The following ADAMTS16 variants were observed in gnomAD, a reference collection of about 807,000 sequenced individuals.
The protein encoded by ADAMTS16 is ADAM metallopeptidase with thrombospondin type 1 motif 16, also known as A disintegrin and metalloproteinase with thrombospondin motifs 16.
Under a neutral mutation model 145.8 loss-of-function variants are expected in ADAMTS16, and 94 were observed. The observed-to-expected ratio is 0.64, with a 90% CI of 0.55 to 0.77. The LOEUF (loss-of-function observed/expected upper bound fraction) is 0.77. Ranked by LOEUF, ADAMTS16 falls within the 30% of genes least tolerant of loss-of-function variation. The pLI, the probability that ADAMTS16 is intolerant of heterozygous loss-of-function variation, is 0.00. For missense variants in ADAMTS16, 1,585 were observed against 1,591.5 expected (o/e 1.00, Z 0.07); for synonymous variants, 659 against 604.3 (o/e 1.09, Z -1.33).
intron 18 of ADAMTS16, among the ~76,000 whole-genome samples, chr5:5,268,679 A>C (rs138402289): frequency 6.6e-6 from 1 of 152,120 alleles, no homozygotes; most frequent in Non-Finnish European, 1.5e-5. Context: ...AGGGATCCCG[A>C]CTGGACACTA....
At chr5:5,172,176 G>C (rs1735059041) in intron 3 of ADAMTS16, among the ~76,000 whole-genome samples, 1 of 151,770 alleles carries the variant, frequency 6.6e-6, no homozygotes, top group Non-Finnish European at 1.5e-5. Flanking sequence ...CATCAATTTT[G>C]TTTAACTTTT....
intron 9 of ADAMTS16, among the ~76,000 whole-genome samples, chr5:5,204,961 G>A (rs57793103): frequency 0.019 from 2,911 of 152,242 alleles, 111 homozygotes; most frequent in African/African-American, 0.067. Flanking sequence ...TATCTGGTGG[G>A]TGTGTAGTTT....
chr5:5,264,082 T>A (rs1288959662), intron 18 of ADAMTS16, among the ~76,000 whole-genome samples: 1 of 152,186 alleles, frequency 6.6e-6, no homozygotes, highest in East Asian at 1.9e-4. Flanking sequence ...GCCTGGGGTC[T>A]TTAGAGGCAC....
intron 10 of ADAMTS16, among the ~76,000 whole-genome samples, chr5:5,214,183 T>C (rs888606392): frequency 4.6e-5 from 7 of 152,344 alleles, no homozygotes; most frequent in East Asian, 1.9e-4. Flanking sequence ...AATTGGTCCA[T>C]ATATGTGGTG....
chr5:5,140,932 G>A (rs1463076081), intron 2 of ADAMTS16, among the ~76,000 whole-genome samples, 166 bp downstream of exon 2: 1 of 151,966 alleles, frequency 6.6e-6, no homozygotes, highest in Admixed American at 6.6e-5. Flanking sequence ...GAGCCCCGAT[G>A]AGTGGATTTC....
intron 18 of ADAMTS16, among the ~76,000 whole-genome samples, chr5:5,282,375 T>C (rs952873951): frequency 1.4e-4 from 21 of 152,244 alleles, no homozygotes; most frequent in African/African-American, 4.8e-4. Context: ...TATTTTGACA[T>C]AAGGAATGAA....
At position 5,310,777 on chromosome 5, in the gene ADAMTS16, A is replaced by G. The variant is rs1740395171; in HGVS notation, c.3411+4049A>G. Among the ~76,000 whole-genome samples the G allele has an allele frequency of 6.6e-6, 1 of 152,180 alleles. No homozygotes were observed. Among genetic ancestry groups the G allele is most frequent in the South Asian group, 2.1e-4 (1 of 4,832 alleles). On this transcript the variant is annotated intron_variant, in intron 21 of 22. Transcript: ENST00000274181. The surrounding 1 kb of genome is among the most constrained non-coding windows in gnomAD (Gnocchi z 4.3). ...CTGGCGTCCTAAACTGTGAAAGAAT[A>G]AATTTCTGTTATTTTGAGCCCCTAG...
intron 17 of ADAMTS16, among the ~76,000 whole-genome samples, chr5:5,260,725 G>A (rs751529307): frequency 1.3e-5 from 2 of 152,196 alleles, no homozygotes; most frequent in South Asian, 2.1e-4. Flanking sequence ...ATACTGTACG[G>A]AGTGCAACTT....
intron 3 of ADAMTS16, among the ~76,000 whole-genome samples, chr5:5,158,002 C>T (rs1451402778): frequency 6.6e-6 from 1 of 152,208 alleles, no homozygotes; most frequent in African/African-American, 2.4e-5. Flanking sequence ...AAACGACTCC[C>T]ATCCCATTCC....
chr5:5,239,522 C>T (rs1169388509), intron 15 of ADAMTS16, among the ~76,000 whole-genome samples, 159 bp from the exon 16 acceptor site: 2 of 152,330 alleles, frequency 1.3e-5, no homozygotes, highest in South Asian at 2.1e-4. Flanking sequence ...TAAAAAGCAG[C>T]CGGGTGTAGT....
intron 3 of ADAMTS16, among the ~76,000 whole-genome samples, chr5:5,169,737 C>A (rs1734998137): frequency 6.6e-6 from 1 of 152,150 alleles, no homozygotes; most frequent in African/African-American, 2.4e-5. Flanking sequence ...AGAAGCAGGT[C>A]GTCCACGCCC....
chr5:5,211,845 A>G (rs1295728557), intron 10 of ADAMTS16, among the ~76,000 whole-genome samples: 1 of 152,166 alleles, frequency 6.6e-6, no homozygotes, highest in Admixed American at 6.5e-5. Flanking sequence ...TTAATTGCCA[A>G]ATAATTCTCC....
chr5:5,196,203 A>C lies in ADAMTS16; in HGVS notation c.1314-3929A>C, dbSNP rs1036897282. Among the ~76,000 whole-genome samples the C allele has an allele frequency of 5.4e-5, 7 of 129,336 alleles. No homozygotes were observed. In the South Asian group the frequency reaches 1.8e-3, roughly 33 times the overall value. The allele number at this position is 129,336 out of a possible 152,430, so 84.8% of individuals were successfully genotyped here. ...CAGTGAGCCGAGATCACGCCACCGC[A>C]CTCCAGCCTGGGCAACAGAGAGAGC... On this transcript the variant is annotated intron_variant, in intron 8 of 22. Coordinates refer to ENST00000274181, the MANE Select transcript of ADAMTS16 (RefSeq NM_139056.4).
chr5:5,158,610 G>T (rs942398648), intron 3 of ADAMTS16, among the ~76,000 whole-genome samples: 34 of 152,178 alleles, frequency 2.2e-4, no homozygotes, highest in African/African-American at 8.2e-4. Flanking sequence ...GTGATCTCAG[G>T]AAAGGCCAAT....
intron 17 of ADAMTS16, among the ~76,000 whole-genome samples, chr5:5,243,109 C>T (rs1257085422): frequency 2.6e-5 from 4 of 152,042 alleles, no homozygotes; most frequent in Non-Finnish European, 5.9e-5. Context: ...AATAGTTGCT[C>T]TAAATAAATA....
At chr5:5,270,928 C>T (rs1007563065) in intron 18 of ADAMTS16, among the ~76,000 whole-genome samples, 1 of 152,038 alleles carries the variant, frequency 6.6e-6, no homozygotes, top group African/African-American at 2.4e-5. Context: ...AGCCACAGCC[C>T]CGAGGGAATA....
intron 20 of ADAMTS16, 129 bp downstream of exon 20, chr5:5,303,895 C>G: frequency 9.2e-7 from 1 of 1,083,336 alleles, no homozygotes; most frequent in Non-Finnish European, 1.3e-6. Context: ...TTCCTTGCAC[C>G]TTCTCAGCTT....
At chr5:5,166,430 TA>T (rs911012625) in intron 3 of ADAMTS16, among the ~76,000 whole-genome samples, 1 of 152,140 alleles carries the variant, frequency 6.6e-6, no homozygotes, top group African/African-American at 2.4e-5. Flanking sequence ...GCTGCACCTT[TA>T]AGAGCAACAT....
intron 17 of ADAMTS16, among the ~76,000 whole-genome samples, chr5:5,259,709 G>A (rs1737934070): frequency 6.6e-6 from 1 of 152,210 alleles, no homozygotes. Context: ...CACAAGATAA[G>A]GTGAACATGC....
Sources: gnomAD v4.1 joint callset for allele counts (sites outside exome capture counted in the v4.1 genomes callset) on GRCh38, gnomAD v4.1.1 for gene constraint, Gnocchi (gnomAD v3.1) non-coding constraint, MANE v1.5 for transcripts, NCBI Gene and HGNC (gene_info 2026-07-23, HGNC 2026-07-21) for gene names.